The following KCNMB2 variants were observed in gnomAD, a reference collection of about 807,000 sequenced individuals.
KCNMB2 encodes calcium-activated potassium channel subunit beta-2.
KCNMB2 carries 9 observed loss-of-function variants against 24.5 expected under a neutral mutation model. The observed-to-expected ratio is 0.37, with a 90% CI of 0.22 to 0.64. The LOEUF (loss-of-function observed/expected upper bound fraction) is 0.64, where lower values mean the gene tolerates loss of function less well. KCNMB2 is among the 30% of genes least tolerant of loss of function. KCNMB2 has a pLI of 0.63. For synonymous variants in KCNMB2, 109 were observed against 104.4 expected, an observed-to-expected ratio of 1.04 and a Z score of -0.27; for missense variants, 226 against 284.3, an observed-to-expected ratio of 0.79 and a Z score of 1.47.
chr3:178,669,199 G>A (rs1198244309), intron 1 of KCNMB2, among the ~76,000 whole-genome samples: 6 of 152,142 alleles, frequency 3.9e-5, no homozygotes, highest in African/African-American at 1.4e-4. Context: ...AAGTGAAGAT[G>A]GATGGGCATG....
intron 2 of KCNMB2, among the ~76,000 whole-genome samples, chr3:178,823,798 T>A (rs1161682110): frequency 1.3e-5 from 2 of 152,124 alleles, no homozygotes; most frequent in Non-Finnish European, 2.9e-5. Flanking sequence ...CCCCGCAAAG[T>A]TCCACTTTAG....
intron 1 of KCNMB2, among the ~76,000 whole-genome samples, chr3:178,559,417 G>A (rs542989067): frequency 2.0e-5 from 3 of 151,856 alleles, no homozygotes; most frequent in South Asian, 2.1e-4. Context: ...ATTTTACTAT[G>A]AGAATTTTCT....
At chr3:178,630,637 G>A (rs775370870) in intron 1 of KCNMB2, among the ~76,000 whole-genome samples, 1 of 152,202 alleles carries the variant, frequency 6.6e-6, no homozygotes, top group Non-Finnish European at 1.5e-5. Context: ...CTAGTTTATA[G>A]TAAATTAATT....
At chr3:178,754,150 G>GTGTATATATATATATA (rs1553773711) in intron 1 of KCNMB2, among the ~76,000 whole-genome samples, 18 of 106,282 alleles carry the variant, frequency 1.7e-4, no homozygotes, top group African/African-American at 6.0e-4. Context: ...ATATTCCATT[G>GTGTATATATATATATA]TATATATATA....
At position 178,813,055 on chromosome 3, in the gene KCNMB2, T is replaced by A. The variant is rs901546879; in HGVS notation, c.56+5590T>A. On this transcript the variant is annotated intron_variant, in intron 2 of 4. Coordinates refer to ENST00000452583, the MANE Select transcript of KCNMB2 (RefSeq NM_181361.3). Reference sequence around the variant, plus strand: ...ATAAAATTTATTAATTAATTTGTGATAAATTTACATCTTTATGTCACCAAG... The same window carrying A: ...ATAAAATTTATTAATTAATTTGTGAAAAATTTACATCTTTATGTCACCAAG... 5.9e-5 allele frequency among the ~76,000 whole-genome samples: 9 copies of A among 152,348 alleles called. No individual in the cohort carries two copies. The South Asian group carries it at 1.0e-3, about 18-fold the overall frequency.
chr3:178,569,303 A>G (rs959481861), intron 1 of KCNMB2, among the ~76,000 whole-genome samples: 2 of 152,120 alleles, frequency 1.3e-5, no homozygotes, highest in Non-Finnish European at 2.9e-5. Flanking sequence ...GCCCCACACG[A>G]TCATGGTGGC....
At position 178,635,835 on chromosome 3, in the gene KCNMB2, T is replaced by C. The variant is rs574988114; in HGVS notation, c.-68+99124T>C. Among the ~76,000 whole-genome samples, 13 of 152,354 alleles carry C rather than the reference T, an allele frequency of 8.5e-5. No individual in the cohort carries two copies. In the South Asian group the frequency reaches 1.0e-3, roughly 12 times the overall value. On this transcript the variant is annotated intron_variant, in intron 1 of 4. Transcript: ENST00000452583. ...TTAAAGATCATTGCCTGGTAAACTA[T>C]AATAATTATACAAATTCAATACTTC...
intron 4 of KCNMB2, among the ~76,000 whole-genome samples, chr3:178,830,517 T>C (rs1180990038): frequency 6.6e-6 from 1 of 152,162 alleles, no homozygotes; most frequent in Non-Finnish European, 1.5e-5. Flanking sequence ...ATCTTAAAGT[T>C]AAGTAGATAA....
chr3:178,665,702 T>C (rs926559103), intron 1 of KCNMB2, among the ~76,000 whole-genome samples: 4 of 152,194 alleles, frequency 2.6e-5, no homozygotes, highest in African/African-American at 7.2e-5. Flanking sequence ...ACTGCTCTGA[T>C]GGTTGGCAAT....
intron 1 of KCNMB2, among the ~76,000 whole-genome samples, chr3:178,654,432 C>A (rs990193291): frequency 1.1e-4 from 16 of 151,866 alleles, no homozygotes; most frequent in African/African-American, 3.6e-4. Flanking sequence ...ACAAAGATGA[C>A]CAAAAATTTG....
intron 1 of KCNMB2, among the ~76,000 whole-genome samples, chr3:178,572,908 C>T (rs534326989): frequency 5.3e-5 from 8 of 152,096 alleles, no homozygotes; most frequent in Middle Eastern, 3.4e-3. Flanking sequence ...TAACTGGACA[C>T]GTTTTAAGTA....
At chr3:178,694,883 G>T (rs549996539) in intron 1 of KCNMB2, among the ~76,000 whole-genome samples, 1 of 152,192 alleles carries the variant, frequency 6.6e-6, no homozygotes, top group Non-Finnish European at 1.5e-5. Context: ...TCTGGGGTCT[G>T]GAGGATGGTG....
intron 1 of KCNMB2, among the ~76,000 whole-genome samples, chr3:178,571,216 T>A (rs1716767689): frequency 6.6e-6 from 1 of 151,992 alleles, no homozygotes; most frequent in Non-Finnish European, 1.5e-5. Flanking sequence ...TTTGTGATTT[T>A]TTTTTTAATC....
chr3:178,569,617 A>G (rs1184300961), intron 1 of KCNMB2, among the ~76,000 whole-genome samples: 15 of 151,798 alleles, frequency 9.9e-5, no homozygotes, highest in Non-Finnish European at 2.2e-4. Flanking sequence ...CTGAGTAGAA[A>G]AACATGTTTT....
chr3:178,637,098 C>T (rs1342982847), intron 1 of KCNMB2, among the ~76,000 whole-genome samples: 5 of 152,082 alleles, frequency 3.3e-5, no homozygotes, highest in Admixed American at 3.3e-4. Context: ...TTTATCCAAT[C>T]TATCATTGAT....
intron 1 of KCNMB2, among the ~76,000 whole-genome samples, chr3:178,654,384 A>G (rs1400813673): frequency 6.6e-6 from 1 of 152,190 alleles, no homozygotes; most frequent in African/African-American, 2.4e-5. Context: ...AATAATATTT[A>G]CAGGAAAATT....
At position 178,541,283 on chromosome 3, in the gene KCNMB2, A is replaced by T. The variant is rs745394253; in HGVS notation, c.-68+4572A>T. ...AACGATGACTTCTATTTCAAAAAGG[A>T]CATTTTCACAGATCTCCTATACAAA... On this transcript the variant is annotated intron_variant, in intron 1 of 4. Coordinates refer to ENST00000452583, the MANE Select transcript of KCNMB2 (RefSeq NM_181361.3). Among the ~76,000 whole-genome samples, 34 of 152,182 alleles carry T rather than the reference A, an allele frequency of 2.2e-4. 1 individual carries two copies. The highest frequency in any genetic ancestry group is 4.0e-4 in the Non-Finnish European group (27 of 68,036).
At chr3:178,592,662 T>C (rs968672924) in intron 1 of KCNMB2, among the ~76,000 whole-genome samples, 3 of 152,150 alleles carry the variant, frequency 2.0e-5, no homozygotes, top group African/African-American at 4.8e-5. Context: ...ATTGTCTTTT[T>C]AAAGTTCTGG....
chr3:178,660,060 T>C (rs1345759630), intron 1 of KCNMB2, among the ~76,000 whole-genome samples: 2 of 152,134 alleles, frequency 1.3e-5, no homozygotes, highest in Non-Finnish European at 2.9e-5. Context: ...CCTTCTATCC[T>C]GCAGCATGAG....
Sources: allele counts gnomAD v4.1 joint callset (sites outside exome capture counted in the v4.1 genomes callset), GRCh38; gene constraint gnomAD v4.1.1; transcripts MANE v1.5; gene names NCBI Gene and HGNC (gene_info 2026-07-23, HGNC 2026-07-21).